The following CKAP2L variants were observed in gnomAD, a reference collection of about 807,000 sequenced individuals.
The protein encoded by CKAP2L is cytoskeleton associated protein 2L.
CKAP2L carries 42 observed loss-of-function variants against 65.7 expected under a neutral mutation model. The observed-to-expected ratio is 0.64, with a 90% confidence interval of 0.50 to 0.83. CKAP2L has a LOEUF of 0.83. Among genes scored for constraint, CKAP2L ranks in the 40% least tolerant of loss-of-function variants. The pLI, the probability that CKAP2L is intolerant of heterozygous loss-of-function variation, is 0.00. For missense variants in CKAP2L, 908 were observed against 871.0 expected (o/e 1.04, Z -0.53); for synonymous variants, 325 against 313.5 (o/e 1.04, Z -0.39).
chr2:112,757,317 T>G, intron 3 of CKAP2L, 103 bp from the exon 4 acceptor site: 1 of 829,472 alleles, frequency 1.2e-6, no homozygotes, highest in Non-Finnish European at 1.8e-6. Context: ...TAATCATTTT[T>G]AGAATTTCAT....
intron 6 of CKAP2L, among the ~76,000 whole-genome samples, chr2:112,743,550 G>A (rs1680098187): frequency 6.6e-6 from 1 of 152,088 alleles, no homozygotes; most frequent in Non-Finnish European, 1.5e-5. Context: ...TGATTCTCCT[G>A]CCTCAGCCTC....
chr2:112,747,505 A>C (rs916930637), intron 5 of CKAP2L, among the ~76,000 whole-genome samples: 25 of 152,220 alleles, frequency 1.6e-4, no homozygotes, highest in Admixed American at 1.5e-3. Context: ...GTATATGTGT[A>C]AGTGTCAGGG....
intron 3 of CKAP2L, 141 bp downstream of exon 3, chr2:112,760,570 GTC>G: frequency 2.0e-6 from 1 of 510,814 alleles, no homozygotes; most frequent in East Asian, 3.6e-5. Flanking sequence ...AAAAATGATT[GTC>G]TCTTATTAAA....
chr2:112,741,245 G>A (rs1485811422), intron 7 of CKAP2L, among the ~76,000 whole-genome samples: 2 of 151,894 alleles, frequency 1.3e-5, no homozygotes, highest in East Asian at 1.9e-4. Flanking sequence ...ACTGCTGTAC[G>A]TAGATTCTTG....
intron 5 of CKAP2L, among the ~76,000 whole-genome samples, chr2:112,750,816 C>T (rs1680352185): frequency 6.6e-6 from 1 of 150,614 alleles, no homozygotes; most frequent in Admixed American, 6.6e-5. Flanking sequence ...GAAAGACTCA[C>T]TTTTAAATGA....
intron 5 of CKAP2L, among the ~76,000 whole-genome samples, chr2:112,751,439 T>A (rs535519037): frequency 1.3e-5 from 2 of 152,292 alleles, no homozygotes; most frequent in East Asian, 1.9e-4. Flanking sequence ...AGTATGTATG[T>A]TTGTAGAGGG....
At chr2:112,745,537 G>C (rs189783036) in intron 6 of CKAP2L, among the ~76,000 whole-genome samples, 55 of 152,086 alleles carry the variant, frequency 3.6e-4, no homozygotes, top group African/African-American at 9.9e-4. Context: ...CCGCCACCAC[G>C]CCCGGCTAAC....
chr2:112,746,100 C>T (rs73955273), intron 6 of CKAP2L, among the ~76,000 whole-genome samples: 4,984 of 152,052 alleles, frequency 0.033, 269 homozygotes, highest in African/African-American at 0.11. Flanking sequence ...ACACAGAATA[C>T]AGAACATGAC....
At chr2:112,750,031 T>G (rs1680319082) in intron 5 of CKAP2L, among the ~76,000 whole-genome samples, 1 of 152,158 alleles carries the variant, frequency 6.6e-6, no homozygotes, top group African/African-American at 2.4e-5. Flanking sequence ...GGATAGCATC[T>G]TTTCCTCAAA....
At chr2:112,753,532 T>TTC (rs1464116651) in intron 4 of CKAP2L, among the ~76,000 whole-genome samples, 2 of 140,794 alleles carry the variant, frequency 1.4e-5, no homozygotes, top group South Asian at 2.2e-4. Context: ...TTTTCTTTTT[T>TTC]TTTTTTTTTT....
intron 8 of CKAP2L, among the ~76,000 whole-genome samples, chr2:112,740,348 GA>G (rs1190910075): frequency 6.6e-6 from 1 of 152,186 alleles, no homozygotes; most frequent in Non-Finnish European, 1.5e-5. Flanking sequence ...TCACATTTTA[GA>G]AAATGACACT....
chr2:112,746,506 A>G lies in CKAP2L; in HGVS notation c.1672T>C (p.Trp558Arg). Residue 558 changes from tryptophan (W) to arginine (R), a missense_variant, in exon 6 of 9, where the codon TGG (tryptophan) becomes CGG (arginine). Coordinates refer to ENST00000302450, the MANE Select transcript of CKAP2L (RefSeq NM_152515.5). ...GCCAACAACTTTGCTTTGCAGATCCAGAATTTAGCAAATTTTTCAGCTTCA... is the reference window on the plus strand; with the variant it reads ...GCCAACAACTTTGCTTTGCAGATCCGGAATTTAGCAAATTTTTCAGCTTCA... ...IPEAEKFAKF[W>R]ICKAKLLASK... 6.2e-7 allele frequency: 1 copy of G among 1,613,436 alleles called. No homozygotes were observed. The highest frequency in any genetic ancestry group is 8.5e-7 in the Non-Finnish European group (1 of 1,179,482).
rs368098132 is a variant in CKAP2L at position 112,738,988 on chromosome 2, C to T, written c.2073G>A (p.Ser691=). 23 of 1,614,164 alleles carry T rather than the reference C, an allele frequency of 1.4e-5. No individual in the cohort carries two copies. Among genetic ancestry groups the T allele is most frequent in the East Asian group, 4.5e-5 (2 of 44,890 alleles). ...AGCGGGACACTGCTCGCTCAATCCTCGACGAACGCCGTACAGGAGTGATAA... is the reference window on the plus strand; with the variant it reads ...AGCGGGACACTGCTCGCTCAATCCTTGACGAACGCCGTACAGGAGTGATAA... ...MKFITPVRRS[S]RIERAVSRYP... The change falls in exon 9 of 9, where the codon TCG becomes TCA. Residue 691 remains serine, a synonymous_variant. Coordinates refer to ENST00000302450, the MANE Select transcript of CKAP2L (RefSeq NM_152515.5).
rs530890547 is a variant in CKAP2L, at chr2:112,762,868, T to G, written c.38-299A>C. On this transcript the variant is annotated intron_variant, in intron 1 of 8. Transcript: ENST00000302450. ...GCACAACCACGGCTCACTGTTGACT[T>G]GATCTCCCAGGTTCTAGCAATCCTC... Among the ~76,000 whole-genome samples the G allele has an allele frequency of 5.0e-4, 76 of 152,098 alleles. 1 individual carries two copies. The highest frequency in any genetic ancestry group is 4.1e-3 in the Admixed American group (62 of 15,266).
At chr2:112,760,632 T>C (rs74645013) in intron 3 of CKAP2L, 81 bp downstream of exon 3, 3 of 715,800 alleles carry the variant, frequency 4.2e-6, no homozygotes, top group South Asian at 3.5e-5. Context: ...ACATGTTCTT[T>C]AGGTTGCTAA....
In CKAP2L at chr2:112,742,568, T is replaced by C. The variant is rs1000390570; in HGVS notation, c.1822+138A>G. ...AAATAAGTCAGCTGATGACAATGGCTGAAAGGGCCAGGTCATGGAAACCAA... is the reference window on the plus strand; with the variant it reads ...AAATAAGTCAGCTGATGACAATGGCCGAAAGGGCCAGGTCATGGAAACCAA... On this transcript the variant is annotated intron_variant, in intron 7 of 8. Coordinates refer to ENST00000302450, the MANE Select transcript of CKAP2L (RefSeq NM_152515.5). The C allele has an allele frequency of 1.1e-5, 8 of 713,810 alleles. No individual in the cohort carries two copies. The East Asian group carries it at 2.2e-4, about 19-fold the overall frequency. The allele number at this position is 713,810 out of a possible 1,614,324, so 44.2% of individuals were successfully genotyped here.
Position 112,760,747 on chromosome 2 carries a change from T to C in CKAP2L, c.122A>G (p.Lys41Arg), listed in dbSNP as rs1465949211. 16 of 1,519,936 alleles carry C rather than the reference T, an allele frequency of 1.1e-5. No individual in the cohort carries two copies. Among genetic ancestry groups the C allele is most frequent in the African/African-American group, 9.8e-5 (7 of 71,530 alleles). The allele number at this position is 1,519,936 out of a possible 1,614,324, so 94.2% of individuals were successfully genotyped here. The change falls in exon 3 of 9, where the codon AAG becomes AGG. Residue 41 changes from lysine to arginine, a missense_variant. Physicochemically the swap from Lys to Arg is conservative, Grantham distance 26. Transcript: ENST00000302450. Reference sequence around the variant, plus strand: ...AGGTGGTTGATTCTGGCAATTATTCTTGGATTTTAGATAAGGCCTATAAAA... The same window carrying C: ...AGGTGGTTGATTCTGGCAATTATTCCTGGATTTTAGATAAGGCCTATAAAA... The part of the protein sequence containing the change: ...SQNTKPYLKS[K>R]NNCQNQPPSK...
chr2:112,753,479 T>C (rs1680438850), intron 4 of CKAP2L, among the ~76,000 whole-genome samples: 1 of 151,696 alleles, frequency 6.6e-6, no homozygotes, highest in African/African-American at 2.4e-5. Context: ...CTAGTCTCCC[T>C]GTCACTCACC....
chr2:112,763,066 G>GT (rs143682516), intron 1 of CKAP2L, among the ~76,000 whole-genome samples: 13 of 152,288 alleles, frequency 8.5e-5, no homozygotes, highest in African/African-American at 3.1e-4. Flanking sequence ...GATTACAGGC[G>GT]TAAGTCAAAG....
Sources: gnomAD v4.1 joint callset for allele counts (sites outside exome capture counted in the v4.1 genomes callset) on GRCh38, gnomAD v4.1.1 for gene constraint, MANE v1.5 for transcripts, NCBI Gene and HGNC (gene_info 2026-07-23, HGNC 2026-07-21) for gene names.